Variants in KCNN2 observed in about 807,000 individuals in gnomAD.
KCNN2 encodes the protein potassium calcium-activated channel subfamily N member 2.
KCNN2 carries 24 observed loss-of-function variants against 55.5 expected under a neutral mutation model. The observed-to-expected ratio is 0.43, with a 90% CI of 0.31 to 0.61. The LOEUF (loss-of-function observed/expected upper bound fraction) is 0.61. Ranked by LOEUF, KCNN2 falls within the 20% of genes least tolerant of loss-of-function variation. KCNN2 has a pLI of 0.08. For synonymous variants in KCNN2, 431 were observed against 336.1 expected, an observed-to-expected ratio of 1.28 and a Z score of -3.09; for missense variants, 754 against 853.6, an observed-to-expected ratio of 0.88 and a Z score of 1.45.
At chr5:114,298,195 C>A (rs763450154) in intron 2 of KCNN2, among the ~76,000 whole-genome samples, 3 of 152,204 alleles carry the variant, frequency 2.0e-5, no homozygotes, top group African/African-American at 7.2e-5. Flanking sequence ...AAAGAATACA[C>A]GTTCTTTAAT....
intron 2 of KCNN2, among the ~76,000 whole-genome samples, chr5:114,278,724 A>G (rs1303369832): frequency 1.3e-5 from 2 of 152,202 alleles, no homozygotes; most frequent in Admixed American, 6.5e-5. Context: ...GACCATGGGG[A>G]AAGTGCAGTA....
At chr5:114,460,999 G>T (rs1761164341) in intron 3 of KCNN2, among the ~76,000 whole-genome samples, 1 of 152,118 alleles carries the variant, frequency 6.6e-6, no homozygotes, top group African/African-American at 2.4e-5. Flanking sequence ...GCTTGGTGAG[G>T]AATACTTACT....
upstream of KCNN2, among the ~76,000 whole-genome samples, chr5:114,360,245 G>A (rs373834376): frequency 2.4e-4 from 37 of 152,076 alleles, no homozygotes; most frequent in South Asian, 2.3e-3. Context: ...AAATTAACAT[G>A]TGTCCAAAGA....
chr5:114,218,960 A>T (rs1188747938), intron 1 of KCNN2, among the ~76,000 whole-genome samples: 2 of 152,228 alleles, frequency 1.3e-5, no homozygotes, highest in Admixed American at 1.3e-4. Flanking sequence ...GCATGTGAGC[A>T]AAGAAGTGCA....
At chr5:114,469,666 G>C (rs1761626642) in intron 4 of KCNN2, among the ~76,000 whole-genome samples, 1 of 152,094 alleles carries the variant, frequency 6.6e-6, no homozygotes, top group Admixed American at 6.6e-5. Flanking sequence ...TTCACTTTAT[G>C]AAACGGAATC....
At chr5:114,076,370 C>G (rs2068121) in intron 1 of KCNN2, among the ~76,000 whole-genome samples, 119,928 of 151,842 alleles carry the variant, frequency 0.79, 47,665 homozygotes, top group African/African-American at 0.9. Flanking sequence ...CTGCTATGCC[C>G]TAAGGATGGA....
At chr5:114,116,082 A>G (rs1370332760) in intron 1 of KCNN2, among the ~76,000 whole-genome samples, 2 of 152,156 alleles carry the variant, frequency 1.3e-5, no homozygotes, top group Admixed American at 1.3e-4. Flanking sequence ...CAGAAGAAAT[A>G]TGAGATGAGT....
chr5:114,081,965 C>T (rs1750831105), intron 1 of KCNN2, among the ~76,000 whole-genome samples: 1 of 151,760 alleles, frequency 6.6e-6, no homozygotes, highest in Non-Finnish European at 1.5e-5. Flanking sequence ...AGACATTTCT[C>T]CAAAGAAGAT....
At chr5:114,106,548 T>C (rs886228359) in intron 1 of KCNN2, among the ~76,000 whole-genome samples, 1 of 151,904 alleles carries the variant, frequency 6.6e-6, no homozygotes, top group Non-Finnish European at 1.5e-5. Flanking sequence ...CTTGTTTGTT[T>C]TTTTTAAAGC....
intron 2 of KCNN2, among the ~76,000 whole-genome samples, chr5:114,345,189 T>C (rs1757084659): frequency 6.6e-6 from 1 of 152,132 alleles, no homozygotes; most frequent in African/African-American, 2.4e-5. Context: ...ATTTCCAAAA[T>C]ATCTTGTTAA....
chr5:114,296,192 G>A (rs1756009107), intron 2 of KCNN2, among the ~76,000 whole-genome samples: 1 of 152,130 alleles, frequency 6.6e-6, no homozygotes, highest in Non-Finnish European at 1.5e-5. Context: ...TAAATAAATA[G>A]TTTTTCTAAG....
intron 1 of KCNN2, among the ~76,000 whole-genome samples, chr5:114,075,350 C>G (rs921978574): frequency 6.6e-6 from 1 of 152,110 alleles, no homozygotes; most frequent in Non-Finnish European, 1.5e-5. Context: ...ATTAGCATTT[C>G]TATGTATAAT....
chr5:114,111,791 C>A lies in KCNN2; in HGVS notation c.-271+55291C>A, dbSNP rs531306767. On this transcript the variant is annotated intron_variant, in intron 1 of 10. Coordinates refer to the KCNN2 transcript ENST00000512097. ...AACCACAATGAGATACCATCTCATG[C>A]CAGTTAGAATGGTGATCATTGTAAA... Among the ~76,000 whole-genome samples the A allele has an allele frequency of 3.3e-5, 5 of 152,258 alleles. No homozygotes were observed. In the East Asian group the frequency reaches 5.8e-4, roughly 18 times the overall value.
intron 2 of KCNN2, among the ~76,000 whole-genome samples, chr5:114,287,184 C>G (rs979555738): frequency 6.6e-6 from 1 of 152,182 alleles, no homozygotes; most frequent in African/African-American, 2.4e-5. Context: ...TTGTGGAAGA[C>G]AGTGTGGTAA....
At chr5:114,294,662 A>G (rs1367243902) in intron 2 of KCNN2, among the ~76,000 whole-genome samples, 2 of 152,070 alleles carry the variant, frequency 1.3e-5, no homozygotes, top group Non-Finnish European at 2.9e-5. Context: ...AAAAGAATGT[A>G]TATTCTATTG....
At chr5:114,234,698 G>A (rs1754437818) in intron 2 of KCNN2, among the ~76,000 whole-genome samples, 1 of 152,054 alleles carries the variant, frequency 6.6e-6, no homozygotes, top group South Asian at 2.1e-4. Flanking sequence ...TGGAGAAGAG[G>A]GGAGTGAGGC....
At chr5:114,311,434 C>T (rs373333486) in intron 2 of KCNN2, among the ~76,000 whole-genome samples, 4 of 152,166 alleles carry the variant, frequency 2.6e-5, no homozygotes, top group African/African-American at 9.7e-5. Flanking sequence ...CAAACGGCTG[C>T]ATTTGGCGAC....
At chr5:114,063,712 A>C (rs1447939071) in intron 1 of KCNN2, among the ~76,000 whole-genome samples, 1 of 152,202 alleles carries the variant, frequency 6.6e-6, no homozygotes, top group Non-Finnish European at 1.5e-5. Context: ...CAGCTGCACC[A>C]GTTTGACCCA....
In KCNN2 at chr5:114,295,687, G is replaced by A. The variant is rs545384162; in HGVS notation, c.-184-65258G>A. Among the ~76,000 whole-genome samples the A allele has an allele frequency of 3.8e-4, 58 of 152,138 alleles. 1 individual carries two copies. In the South Asian group the frequency reaches 6.0e-3, roughly 16 times the overall value. ...AATGCCTCACCCTGCTTCAGCTCAC[G>A]CACGATGCACTAAACCCACTTTCCT... is the stretch of plus-strand genomic sequence containing the variant. On this transcript the variant is annotated intron_variant, in intron 2 of 10. Coordinates refer to the KCNN2 transcript ENST00000512097.
Sources: gnomAD v4.1 joint callset for allele counts (sites outside exome capture counted in the v4.1 genomes callset) on GRCh38, gnomAD v4.1.1 for gene constraint, MANE v1.5 for transcripts, NCBI Gene and HGNC (gene_info 2026-07-23, HGNC 2026-07-21) for gene names.